The following DLG1 variants were observed in gnomAD, a reference collection of about 807,000 sequenced individuals.
DLG1 encodes the protein disks large homolog 1.
Under a neutral mutation model 123.4 loss-of-function variants are expected in DLG1, and 42 were observed. The ratio of observed to expected loss-of-function variants is 0.34; its 90% CI spans 0.27 to 0.44. The LOEUF (loss-of-function observed/expected upper bound fraction) is 0.44. Ranked by LOEUF, DLG1 falls within the 20% of genes least tolerant of loss-of-function variation. DLG1 has a pLI of 1.00. For missense variants in DLG1, 942 were observed against 1,082.6 expected (o/e 0.87, Z 1.82); for synonymous variants, 317 against 356.2 (o/e 0.89, Z 1.24).
At chr3:197,050,030 C>T (rs538841367) in intron 24 of DLG1, among the ~76,000 whole-genome samples, 1 of 152,200 alleles carries the variant, frequency 6.6e-6, no homozygotes, top group East Asian at 1.9e-4. Context: ...CACTGTACTC[C>T]AGCCTGGGCA....
intron 4 of DLG1, among the ~76,000 whole-genome samples, chr3:197,218,645 C>T (rs554439291): frequency 4.6e-5 from 7 of 152,104 alleles, no homozygotes; most frequent in Non-Finnish European, 1.0e-4. Context: ...TTACAGAGAC[C>T]GTTCCCTATT....
At chr3:197,103,658 T>C (rs1216215543) in intron 14 of DLG1, among the ~76,000 whole-genome samples, 1 of 151,292 alleles carries the variant, frequency 6.6e-6, no homozygotes, top group Non-Finnish European at 1.5e-5. Context: ...GCCAAGGTTT[T>C]ACTAGATTGA....
chr3:197,075,633 A>T (rs1286465225), intron 18 of DLG1, among the ~76,000 whole-genome samples: 3 of 152,192 alleles, frequency 2.0e-5, no homozygotes, highest in Admixed American at 6.5e-5. Context: ...TTTTCAAATG[A>T]CATGTGAAAA....
intron 4 of DLG1, among the ~76,000 whole-genome samples, chr3:197,236,336 A>G (rs1324863433): frequency 1.3e-5 from 2 of 152,110 alleles, no homozygotes; most frequent in African/African-American, 4.8e-5. Flanking sequence ...AAGACAAAAT[A>G]AAAATACTTC....
At chr3:197,151,548 T>C (rs1436487548) in intron 5 of DLG1, among the ~76,000 whole-genome samples, 3 of 152,272 alleles carry the variant, frequency 2.0e-5, no homozygotes, top group Non-Finnish European at 2.9e-5. Context: ...ATGAATCAAA[T>C]AGAAGTACAC....
intron 4 of DLG1, among the ~76,000 whole-genome samples, chr3:197,217,500 C>G (rs957920356): frequency 4.6e-5 from 7 of 152,116 alleles, no homozygotes; most frequent in African/African-American, 1.4e-4. Flanking sequence ...TGTAGGGCAG[C>G]TGATGAGTGG....
intron 5 of DLG1, among the ~76,000 whole-genome samples, chr3:197,170,857 T>C (rs565138177): frequency 3.3e-5 from 5 of 152,322 alleles, no homozygotes; most frequent in Admixed American, 2.0e-4. Context: ...GGTTGTCTTA[T>C]AGCTTTGGGT....
intron 10 of DLG1, among the ~76,000 whole-genome samples, chr3:197,133,304 G>A (rs1012311395): frequency 6.6e-6 from 1 of 152,156 alleles, no homozygotes; most frequent in Non-Finnish European, 1.5e-5. Context: ...GAGACCACTG[G>A]ATAATTAAGC....
intron 15 of DLG1, among the ~76,000 whole-genome samples, chr3:197,086,818 T>C (rs1754668363): frequency 6.6e-6 from 1 of 152,120 alleles, no homozygotes; most frequent in African/African-American, 2.4e-5. Flanking sequence ...TAAAGTACCT[T>C]AAGAGGTAGT....
intron 4 of DLG1, among the ~76,000 whole-genome samples, chr3:197,197,199 A>G (rs1478282741): frequency 6.6e-6 from 1 of 152,218 alleles, no homozygotes; most frequent in Non-Finnish European, 1.5e-5. Flanking sequence ...TATTTCCTGT[A>G]AATTGGTAGC....
At chr3:197,146,805 A>T (rs574390629) in intron 6 of DLG1, among the ~76,000 whole-genome samples, 1 of 152,358 alleles carries the variant, frequency 6.6e-6, no homozygotes, top group East Asian at 1.9e-4. Flanking sequence ...GATGGGATTT[A>T]ATTAAACTAA....
chr3:197,247,878 A>T (rs892857356), intron 4 of DLG1, among the ~76,000 whole-genome samples: 1 of 152,074 alleles, frequency 6.6e-6, no homozygotes, highest in Non-Finnish European at 1.5e-5. Flanking sequence ...CTAGAGGCTT[A>T]ACCCCACTTA....
chr3:197,201,317 G>T (rs1162612821), intron 4 of DLG1, among the ~76,000 whole-genome samples: 1 of 152,212 alleles, frequency 6.6e-6, no homozygotes, highest in Non-Finnish European at 1.5e-5. Flanking sequence ...CCGGGAGGCG[G>T]AGCTTGCAGT....
At chr3:197,126,845 G>A (rs1409939715) in intron 11 of DLG1, among the ~76,000 whole-genome samples, 2 of 152,118 alleles carry the variant, frequency 1.3e-5, no homozygotes, top group East Asian at 3.8e-4. Flanking sequence ...ATTTCAAAAT[G>A]TCATGTTTTT....
intron 4 of DLG1, among the ~76,000 whole-genome samples, chr3:197,230,734 C>T (rs748412815): frequency 1.3e-5 from 2 of 152,160 alleles, no homozygotes; most frequent in Non-Finnish European, 2.9e-5. Flanking sequence ...ATAGTAATAG[C>T]ATCTTTATGT....
intron 14 of DLG1, among the ~76,000 whole-genome samples, chr3:197,098,093 G>A (rs1431796383): frequency 6.6e-6 from 1 of 152,068 alleles, no homozygotes; most frequent in East Asian, 1.9e-4. Flanking sequence ...GCTCTCCCAA[G>A]CCCGTACGCT....
intron 19 of DLG1, among the ~76,000 whole-genome samples, chr3:197,068,336 T>C (rs1741173052): frequency 3.9e-5 from 6 of 152,150 alleles, no homozygotes; most frequent in Admixed American, 3.9e-4. Flanking sequence ...TAGTGGGTTC[T>C]GGTTATAATT....
intron 24 of DLG1, 33 bp downstream of exon 24, chr3:197,051,544 T>C (rs749735018): frequency 1.3e-6 from 2 of 1,581,138 alleles, no homozygotes; most frequent in African/African-American, 1.3e-5. Context: ...CAAAATTCTA[T>C]CTTAAAGAGG....
chr3:197,171,079 G>A (rs1051971908), intron 5 of DLG1, among the ~76,000 whole-genome samples: 2 of 151,950 alleles, frequency 1.3e-5, no homozygotes, highest in African/African-American at 4.8e-5. Flanking sequence ...TAAGTTCTTT[G>A]GTTCTTTGTT....
Sources: allele counts gnomAD v4.1 joint callset (sites outside exome capture counted in the v4.1 genomes callset), GRCh38; gene constraint gnomAD v4.1.1; transcripts MANE v1.5; gene names NCBI Gene and HGNC (gene_info 2026-07-23, HGNC 2026-07-21).